The following CDC42BPA variants were observed in gnomAD, a reference collection of about 807,000 sequenced individuals.
CDC42BPA encodes serine/threonine-protein kinase MRCK alpha.
In CDC42BPA, 80 loss-of-function variants were observed where a neutral mutation model predicts 223.5. The ratio of observed to expected loss-of-function variants is 0.36; its 90% CI spans 0.30 to 0.43. CDC42BPA has a LOEUF of 0.43. Among genes scored for constraint, CDC42BPA ranks in the 20% least tolerant of loss-of-function variants. CDC42BPA has a pLI of 1.00. For synonymous variants in CDC42BPA, 694 were observed against 718.6 expected (o/e 0.97, Z 0.55); for missense variants, 1,743 against 2,099.9 (o/e 0.83, Z 3.32).
At chr1:227,297,654 G>A (rs981288732) in intron 1 of CDC42BPA, among the ~76,000 whole-genome samples, 4 of 151,954 alleles carry the variant, frequency 2.6e-5, no homozygotes, top group East Asian at 3.9e-4. Context: ...TGAACCTTAC[G>A]AATAGCATGC....
intron 17 of CDC42BPA, among the ~76,000 whole-genome samples, chr1:227,077,426 G>T (rs1442463274): frequency 6.6e-6 from 1 of 152,090 alleles, no homozygotes; most frequent in Non-Finnish European, 1.5e-5. Flanking sequence ...TATGTGAGTG[G>T]ATTTAAATAA....
At chr1:227,274,451 T>C (rs576436215) in intron 1 of CDC42BPA, among the ~76,000 whole-genome samples, 1 of 152,342 alleles carries the variant, frequency 6.6e-6, no homozygotes, top group African/African-American at 2.4e-5. Flanking sequence ...TGAAGTGTTA[T>C]GTCTTCCAAA....
At chr1:227,154,321 A>G (rs1662329893) in intron 6 of CDC42BPA, among the ~76,000 whole-genome samples, 1 of 151,980 alleles carries the variant, frequency 6.6e-6, no homozygotes, top group South Asian at 2.1e-4. Flanking sequence ...ATTAATTTGA[A>G]GCTACAGAAA....
chr1:227,168,497 G>GTTTTTTTTTTTTTGTTTTTTT lies in CDC42BPA; in HGVS notation c.600-7862_600-7861insAAAAAAACAAAAAAAAAAAAA, dbSNP rs1665488488. On this transcript the variant is annotated intron_variant, in intron 5 of 36. Transcript: ENST00000366766. ...CTTTTTCATATTTATCTTCCCTGGTGTTTTTTTTTTTTTTTTGAGGCAGAG... is the reference window on the plus strand; with the variant it reads ...CTTTTTCATATTTATCTTCCCTGGTGTTTTTTTTTTTTTGTTTTTTTTTTTTTTTTTTTTTTTGAGGCAGAG... 1.4e-4 allele frequency among the ~76,000 whole-genome samples: 11 copies of GTTTTTTTTTTTTTGTTTTTTT among 80,210 alleles called. 1 individual carries two copies. The highest frequency in any genetic ancestry group is 2.6e-4 in the Non-Finnish European group (11 of 42,206). The allele number at this position is 80,210 out of a possible 152,430, so 52.6% of individuals were successfully genotyped here. A position where few individuals can be genotyped will look rare whatever the true frequency, so the allele number is the denominator to read the frequency against.
chr1:227,070,631 A>T (rs1332900138), intron 20 of CDC42BPA, among the ~76,000 whole-genome samples: 7 of 151,934 alleles, frequency 4.6e-5, no homozygotes, highest in African/African-American at 1.4e-4. Context: ...TCAGAAATTC[A>T]TTCAAATATT....
At chr1:226,998,576 A>G (rs1662105498) in intron 35 of CDC42BPA, among the ~76,000 whole-genome samples, 1 of 152,254 alleles carries the variant, frequency 6.6e-6, no homozygotes, top group African/African-American at 2.4e-5. Context: ...TGGTGTTGGG[A>G]AAACTGGCTA....
chr1:227,035,487 T>C lies in CDC42BPA; in HGVS notation c.3320A>G (p.Tyr1107Cys), dbSNP rs753377530. 2.5e-6 allele frequency: 4 copies of C among 1,609,302 alleles called. No individual in the cohort carries two copies. The highest frequency in any genetic ancestry group is 3.4e-5 in the Admixed American group (2 of 58,674). ...CATACTTACCCTGACATGACCTTCA[T>C]ATGCTGTTCCTATTCCTTTCTGAGG... ...IDPQKGIGTA[Y>C]EGHVRIPKPA... The change falls in exon 25 of 37, where the codon TAT (tyrosine) becomes TGT (cysteine). Residue 1107 changes from tyrosine (Y) to cysteine (C), a missense_variant. This residue lies in a region of CDC42BPA where 678 missense variants were observed against 777.5 expected (regional missense o/e 0.87). Coordinates refer to ENST00000366766, the MANE Select transcript of CDC42BPA (RefSeq NM_001394014.1).
intron 34 of CDC42BPA, among the ~76,000 whole-genome samples, chr1:227,008,821 A>G (rs1006705123): frequency 9.2e-5 from 14 of 151,956 alleles, no homozygotes; most frequent in African/African-American, 3.4e-4. Context: ...CATCTACCAA[A>G]TTTGCAAAGT....
At chr1:227,078,807 C>G (rs1680025277) in intron 17 of CDC42BPA, among the ~76,000 whole-genome samples, 1 of 152,090 alleles carries the variant, frequency 6.6e-6, no homozygotes. Context: ...AGCATTACCT[C>G]ATTTTTCAAA....
chr1:227,170,682 G>A (rs1170189651), intron 5 of CDC42BPA, among the ~76,000 whole-genome samples: 1 of 152,106 alleles, frequency 6.6e-6, no homozygotes, highest in African/African-American at 2.4e-5. Context: ...TGACTGATAA[G>A]GAAATAAGAA....
chr1:227,267,833 C>A (rs1685255290), intron 1 of CDC42BPA, among the ~76,000 whole-genome samples: 1 of 152,172 alleles, frequency 6.6e-6, no homozygotes, highest in Admixed American at 6.5e-5. Context: ...GATCCAATCA[C>A]CTCCCACCAG....
At chr1:227,074,845 T>C (rs1306024627) in intron 17 of CDC42BPA, among the ~76,000 whole-genome samples, 2 of 152,214 alleles carry the variant, frequency 1.3e-5, no homozygotes, top group African/African-American at 2.4e-5. Flanking sequence ...TAAGCTCTTC[T>C]GTTTTCTGAA....
intron 2 of CDC42BPA, among the ~76,000 whole-genome samples, chr1:227,238,254 G>A (rs2813949): frequency 0.31 from 46,151 of 150,186 alleles, 7,266 homozygotes; most frequent in East Asian, 0.37. Context: ...AGCTACTTAT[G>A]AGGCTGAGTG....
chr1:227,305,312 G>A (rs1460479588), intron 1 of CDC42BPA, among the ~76,000 whole-genome samples: 1 of 152,068 alleles, frequency 6.6e-6, no homozygotes, highest in Admixed American at 6.5e-5. Flanking sequence ...GGAAGCTGAG[G>A]CAAACATTTT....
chr1:227,145,671 G>A lies in CDC42BPA; in HGVS notation c.961C>T (p.Leu321Phe). The A allele has an allele frequency of 6.2e-7, 1 of 1,613,590 alleles. No homozygotes were observed. The highest frequency in any genetic ancestry group is 8.5e-7 in the Non-Finnish European group (1 of 1,179,650). ...SENAKDLIRR[L>F]ICSREHRLGQ... ...AGTCGATGTTCTCTGCTACAAATGAGCCTTCGAATAAGATCCTTAGCATTT... is the reference window on the plus strand; with the variant it reads ...AGTCGATGTTCTCTGCTACAAATGAACCTTCGAATAAGATCCTTAGCATTT... The change falls in exon 8 of 37, where the codon CTC (leucine) becomes TTC (phenylalanine). Residue 321 changes from leucine (L) to phenylalanine (F), a missense_variant. Leu to Phe is a conservative substitution (Grantham distance 22, BLOSUM62 0). Around this residue, in one of 6 missense-constraint regions of CDC42BPA, gnomAD observed 321 missense variants for 488.7 expected, o/e 0.66. Coordinates refer to ENST00000366766, the MANE Select transcript of CDC42BPA (RefSeq NM_001394014.1).
intron 23 of CDC42BPA, among the ~76,000 whole-genome samples, chr1:227,046,938 A>G (rs1672566481): frequency 6.6e-6 from 1 of 152,120 alleles, no homozygotes; most frequent in African/African-American, 2.4e-5. Context: ...AAATCTGATG[A>G]TAATCTCATT....
rs188427610 is a variant in CDC42BPA at position 227,287,094 on chromosome 1, G to A, written c.178+29911C>T. ...CACATTTCAACATGAGATTTGGTGGGGAAAAACTTCCAAACTACATCAATG... is the reference window on the plus strand; with the variant it reads ...CACATTTCAACATGAGATTTGGTGGAGAAAAACTTCCAAACTACATCAATG... On this transcript the variant is annotated intron_variant, in intron 1 of 36. Transcript: ENST00000366766. Among the ~76,000 whole-genome samples, 194 of 152,178 alleles carry A rather than the reference G, an allele frequency of 1.3e-3. 1 individual carries two copies. Among genetic ancestry groups the A allele is most frequent in the Non-Finnish European group, 1.5e-4 (10 of 68,018 alleles).
intron 1 of CDC42BPA, among the ~76,000 whole-genome samples, chr1:227,279,255 C>T: frequency 6.6e-6 from 1 of 152,014 alleles, no homozygotes; most frequent in East Asian, 1.9e-4. Context: ...GAAAAATTGA[C>T]TGGAAATTTA....
intron 2 of CDC42BPA, among the ~76,000 whole-genome samples, chr1:227,219,064 G>A (rs1029917929): frequency 2.6e-5 from 4 of 152,134 alleles, no homozygotes; most frequent in African/African-American, 9.7e-5. Context: ...CTGAAGACTA[G>A]CACCATCAAA....
Sources: allele counts gnomAD v4.1 joint callset (sites outside exome capture counted in the v4.1 genomes callset), GRCh38; gene constraint gnomAD v4.1.1; regional missense constraint gnomAD v4.1.1; transcripts MANE v1.5; gene names NCBI Gene and HGNC (gene_info 2026-07-23, HGNC 2026-07-21).